Variants in PREX1 observed in about 807,000 individuals in gnomAD.
The protein encoded by PREX1 is phosphatidylinositol 3,4,5-trisphosphate-dependent Rac exchanger 1 protein.
In PREX1, 41 loss-of-function variants were observed where a neutral mutation model predicts 198.3. That is an observed-to-expected ratio of 0.21 (90% CI 0.16 to 0.27). The LOEUF is 0.27. PREX1 is among the 10% of genes least tolerant of loss of function. The pLI, the probability that PREX1 is intolerant of heterozygous loss-of-function variation, is 1.00. For missense variants in PREX1, 1,620 were observed against 2,200.7 expected (o/e 0.74, Z 5.28); for synonymous variants, 843 against 887.2 (o/e 0.95, Z 0.89).
chr20:48,698,484 G>A (rs972782327), intron 7 of PREX1, among the ~76,000 whole-genome samples: 59 of 152,256 alleles, frequency 3.9e-4, no homozygotes, highest in Admixed American at 3.1e-3. Flanking sequence ...TACCCAAGAA[G>A]GACTCTGAGG....
chr20:48,681,729 C>G (rs2089752969), intron 10 of PREX1, among the ~76,000 whole-genome samples: 1 of 141,026 alleles, frequency 7.1e-6, no homozygotes, highest in Non-Finnish European at 1.5e-5. Context: ...TCCGGCCAGA[C>G]AGACAGCCAG....
Position 48,663,575 on chromosome 20 carries a change from T to C in PREX1, c.1738+2708A>G, listed in dbSNP as rs192352829. On this transcript the variant is annotated intron_variant, in intron 15 of 39. Coordinates refer to ENST00000371941, the MANE Select transcript of PREX1 (RefSeq NM_020820.4). ...ACCTGCTTTTCTAAATAAAGTTTTA[T>C]TGGCACACAACCATGCCCATTTGTT... 9.6e-4 allele frequency among the ~76,000 whole-genome samples: 147 copies of C among 152,380 alleles called. 1 individual carries two copies. Among genetic ancestry groups the C allele is most frequent in the African/African-American group, 1.7e-3 (70 of 41,584 alleles).
chr20:48,640,816 A>AGGAT (rs1452130354), intron 29 of PREX1, among the ~76,000 whole-genome samples: 1 of 143,956 alleles, frequency 6.9e-6, no homozygotes, highest in Non-Finnish European at 1.5e-5. Flanking sequence ...GAAGGAGGGA[A>AGGAT]GGATGGATGG....
chr20:48,809,771 C>T (rs188808048), intron 1 of PREX1, among the ~76,000 whole-genome samples: 6 of 152,304 alleles, frequency 3.9e-5, no homozygotes, highest in East Asian at 1.9e-4. Flanking sequence ...GACCCTCTAA[C>T]GCCCCTGGAG....
chr20:48,679,459 A>G, intron 12 of PREX1, 50 bp from the exon 13 acceptor site: 1 of 1,576,678 alleles, frequency 6.3e-7, no homozygotes, highest in Non-Finnish European at 8.7e-7. Flanking sequence ...ATCCTTCACG[A>G]GCCTCCAAAT....
chr20:48,706,209 G>C (rs1568832966), intron 6 of PREX1, among the ~76,000 whole-genome samples: 1 of 152,178 alleles, frequency 6.6e-6, no homozygotes, highest in Non-Finnish European at 1.5e-5. Context: ...CAGAAAAAAG[G>C]CATCTGGAAA....
chr20:48,720,461 A>G (rs190537391), intron 5 of PREX1, among the ~76,000 whole-genome samples: 1 of 152,154 alleles, frequency 6.6e-6, no homozygotes, highest in African/African-American at 2.4e-5. Context: ...TGAATGAATG[A>G]ATGGCTTCAA....
intron 1 of PREX1, among the ~76,000 whole-genome samples, chr20:48,799,324 T>C (rs1283503544): frequency 6.6e-6 from 1 of 152,044 alleles, no homozygotes; most frequent in African/African-American, 2.4e-5. Flanking sequence ...CCCCTCACAG[T>C]CCCCAAGTGA....
At chr20:48,728,787 A>G (rs1455473396) in intron 4 of PREX1, among the ~76,000 whole-genome samples, 2 of 152,200 alleles carry the variant, frequency 1.3e-5, no homozygotes, top group African/African-American at 4.8e-5. Flanking sequence ...ACACTTCCCC[A>G]CAAACACTCT....
chr20:48,841,541 C>T, the PREX1 span, among the ~76,000 whole-genome samples: 1 of 152,046 alleles, frequency 6.6e-6, no homozygotes, highest in African/African-American at 2.4e-5. Flanking sequence ...ACTTGGTAAA[C>T]GCTTGTTCTC....
intron 4 of PREX1, among the ~76,000 whole-genome samples, chr20:48,729,569 G>C (rs964513529): frequency 1.3e-5 from 2 of 152,040 alleles, no homozygotes; most frequent in Non-Finnish European, 2.9e-5. Context: ...GCACCCTCTT[G>C]GGAAAATGCA....
rs969686462 is a variant in PREX1, at chr20:48,625,779, G to C, written c.*106C>G. ...ACGCTGGGCAGGTCCCGGAACGGGC[G>C]GCTGCGGAAGCCTTGGGCCATCCCT... On this transcript the variant is annotated 3_prime_UTR_variant, in exon 40 of 40. Transcript: ENST00000371941. The C allele has an allele frequency of 7.7e-7, 1 of 1,304,772 alleles. No individual in the cohort carries two copies. The highest frequency in any genetic ancestry group is 3.2e-5 in the Admixed American group (1 of 31,598). The allele number at this position is 1,304,772 out of a possible 1,614,324, so 80.8% of individuals were successfully genotyped here. A position where few individuals can be genotyped will look rare whatever the true frequency, so the allele number is the denominator to read the frequency against.
At chr20:48,678,853 T>A (rs2089727563) in intron 13 of PREX1, among the ~76,000 whole-genome samples, 1 of 152,176 alleles carries the variant, frequency 6.6e-6, no homozygotes, top group African/African-American at 2.4e-5. Context: ...ATCAGGAGCA[T>A]GAAAACAGAC....
rs115124401 is a variant in PREX1, at chr20:48,633,186, A to G, written c.4268-547T>C. On this transcript the variant is annotated intron_variant, in intron 33 of 39. Transcript: ENST00000371941. ...TCTGCCCGAGCCAATCTCAGCCTGG[A>G]GACAGGCAGCTGCTGCTGCCTATCA... 2.3e-3 allele frequency among the ~76,000 whole-genome samples: 348 copies of G among 152,328 alleles called. 4 individuals are homozygous for G. Among genetic ancestry groups the G allele is most frequent in the African/African-American group, 8.1e-3 (337 of 41,588 alleles).
intron 1 of PREX1, among the ~76,000 whole-genome samples, chr20:48,804,372 G>A (rs1194315618): frequency 6.6e-6 from 1 of 152,154 alleles, no homozygotes; most frequent in Non-Finnish European, 1.5e-5. Flanking sequence ...GGGAGGAGGG[G>A]TGACTTTCGA....
intron 1 of PREX1, among the ~76,000 whole-genome samples, chr20:48,800,157 C>A (rs1239287095): frequency 2.0e-5 from 3 of 152,156 alleles, no homozygotes; most frequent in East Asian, 3.9e-4. Context: ...ACTATAATCA[C>A]CCCACGTTTT....
chr20:48,746,172 C>T (rs570651622), intron 2 of PREX1, among the ~76,000 whole-genome samples: 2 of 152,226 alleles, frequency 1.3e-5, no homozygotes, highest in South Asian at 2.1e-4. Context: ...AGATGCATGC[C>T]GCCATGCCTG....
chr20:48,634,559 G>A (rs2089346181), intron 33 of PREX1, 117 bp downstream of exon 33: 12 of 984,446 alleles, frequency 1.2e-5, no homozygotes, highest in South Asian at 1.5e-5. Flanking sequence ...ACTGAGTACT[G>A]AGCCCACCTT....
the PREX1 span, among the ~76,000 whole-genome samples, chr20:48,863,953 T>C: frequency 6.6e-6 from 1 of 152,182 alleles, no homozygotes; most frequent in Non-Finnish European, 1.5e-5. Flanking sequence ...TTGATAGATC[T>C]TTTTTTCTAA....
Sources: allele counts gnomAD v4.1 joint callset (sites outside exome capture counted in the v4.1 genomes callset), GRCh38; gene constraint gnomAD v4.1.1; transcripts MANE v1.5; gene names NCBI Gene and HGNC (gene_info 2026-07-23, HGNC 2026-07-21).